Variants in CPEB3 observed in about 807,000 individuals in gnomAD.
CPEB3 encodes cytoplasmic polyadenylation element binding protein 3.
A neutral mutation model predicts 67.2 loss-of-function variants in CPEB3; 20 were observed. The observed-to-expected ratio is 0.30, with a 90% CI of 0.21 to 0.43. The LOEUF is 0.43. Among genes scored for constraint, CPEB3 ranks in the 20% least tolerant of loss-of-function variants. CPEB3 has a pLI of 1.00. For synonymous variants in CPEB3, 376 were observed against 393.1 expected (o/e 0.96, Z 0.51); for missense variants, 746 against 968.6 (o/e 0.77, Z 3.05).
In CPEB3 at chr10:92,125,724, CT is replaced by C. The variant is rs35409082; in HGVS notation, c.1454-14531del. ...ACAGCTACATGCTAAAGGAAACAGACTTTTTTTTTTTTTTAAGACAGGGTCT... is the reference window on the plus strand; with the variant it reads ...ACAGCTACATGCTAAAGGAAACAGACTTTTTTTTTTTTTAAGACAGGGTCT... On this transcript the variant is annotated intron_variant, in intron 6 of 9. Coordinates refer to ENST00000265997, the MANE Select transcript of CPEB3 (RefSeq NM_014912.5). Among the ~76,000 whole-genome samples, 1,408 of 143,180 alleles carry C rather than the reference CT, an allele frequency of 9.8e-3. 5 individuals are homozygous for C. The highest frequency in any genetic ancestry group is 0.021 in the African/African-American group (833 of 39,348). The allele number at this position is 143,180 out of a possible 152,430, so 93.9% of individuals were successfully genotyped here.
In CPEB3 at chr10:92,184,548, T is replaced by C. The variant is rs898934309; in HGVS notation, c.1166-3529A>G. Among the ~76,000 whole-genome samples the C allele has an allele frequency of 2.0e-5, 3 of 152,084 alleles. No individual in the cohort carries two copies. The South Asian group carries it at 6.2e-4, about 32-fold the overall frequency. On this transcript the variant is annotated intron_variant, in intron 3 of 9. Coordinates refer to ENST00000265997, the MANE Select transcript of CPEB3 (RefSeq NM_014912.5). Reference sequence around the variant, plus strand: ...TAAACCTGGGAGGTGGAGGTTGCAGTGAGCCGAGATCGTGTCACAGCACCC... The same window carrying C: ...TAAACCTGGGAGGTGGAGGTTGCAGCGAGCCGAGATCGTGTCACAGCACCC...
At chr10:92,215,151 A>ATT (rs79149383) in intron 2 of CPEB3, among the ~76,000 whole-genome samples, 21 of 123,162 alleles carry the variant, frequency 1.7e-4, no homozygotes, top group East Asian at 2.4e-4. Flanking sequence ...CCAAGCCAAG[A>ATT]TTTTTTTTTT....
At chr10:92,268,955 A>G (rs777757120) in intron 1 of CPEB3, among the ~76,000 whole-genome samples, 4 of 152,194 alleles carry the variant, frequency 2.6e-5, no homozygotes, top group African/African-American at 4.8e-5. Context: ...AGTCAGGATT[A>G]GTCAGAGGGA....
chr10:92,197,111 A>T (rs1307231668), intron 2 of CPEB3, among the ~76,000 whole-genome samples: 1 of 152,212 alleles, frequency 6.6e-6, no homozygotes, highest in African/African-American at 2.4e-5. Flanking sequence ...CAGTTCACAG[A>T]TACTAACCTA....
intron 6 of CPEB3, among the ~76,000 whole-genome samples, chr10:92,132,929 A>C (rs1845912090): frequency 6.6e-6 from 1 of 152,226 alleles, no homozygotes; most frequent in African/African-American, 2.4e-5. Flanking sequence ...TGGGTAAATA[A>C]CGAAATGAAG....
At chr10:92,216,238 T>G in intron 2 of CPEB3, 1 of 1,140,282 alleles carries the variant, frequency 8.8e-7, no homozygotes, top group Non-Finnish European at 1.2e-6. Context: ...GAGATCAAGA[T>G]CATACTGGCC....
intron 1 of CPEB3, among the ~76,000 whole-genome samples, chr10:92,243,649 G>A (rs1851941219): frequency 6.6e-6 from 1 of 152,124 alleles, no homozygotes; most frequent in African/African-American, 2.4e-5. Context: ...AGAGGAATAG[G>A]CAAGGGAGGG....
At chr10:92,106,959 A>C (rs1379761408) in intron 7 of CPEB3, among the ~76,000 whole-genome samples, 3 of 76,114 alleles carry the variant, frequency 3.9e-5, no homozygotes, top group African/African-American at 1.4e-4. Flanking sequence ...GAAAAAAGCA[A>C]AGTTGGAAAA....
chr10:92,180,055 T>C (rs148699052), intron 4 of CPEB3, among the ~76,000 whole-genome samples: 6 of 152,330 alleles, frequency 3.9e-5, no homozygotes, highest in Admixed American at 1.3e-4. Flanking sequence ...CAATGGCTTA[T>C]ACAGGTCCTT....
chr10:92,181,231 A>G (rs1848444008), intron 3 of CPEB3, among the ~76,000 whole-genome samples: 1 of 151,914 alleles, frequency 6.6e-6, no homozygotes. Flanking sequence ...ATAAATAAAA[A>G]AAAACAAAAA....
chr10:92,123,009 C>T (rs1047933113), intron 6 of CPEB3, among the ~76,000 whole-genome samples: 5 of 152,122 alleles, frequency 3.3e-5, no homozygotes, highest in Admixed American at 6.5e-5. Context: ...GTGTTTTCTA[C>T]GACACTACCA....
chr10:92,227,235 CT>C lies in CPEB3; in HGVS notation c.1005+12110del, dbSNP rs1851020751. ...ACCAGTTAGGTAATATTCTCTGAGT[CT>C]CAAATAGGATAATAATCCCTAATTC... On this transcript the variant is annotated intron_variant, in intron 2 of 9. Coordinates refer to ENST00000265997, the MANE Select transcript of CPEB3 (RefSeq NM_014912.5). Among the ~76,000 whole-genome samples the C allele has an allele frequency of 2.0e-5, 3 of 152,250 alleles. No individual in the cohort carries two copies. The East Asian group carries it at 5.8e-4, about 29-fold the overall frequency.
chr10:92,143,399 T>TAA (rs1358294011), intron 5 of CPEB3, among the ~76,000 whole-genome samples: 2 of 152,202 alleles, frequency 1.3e-5, no homozygotes, highest in Admixed American at 1.3e-4. Flanking sequence ...TATCTCATAT[T>TAA]AAACTAAGGT....
At chr10:92,276,195 A>T (rs1250444158) in intron 1 of CPEB3, among the ~76,000 whole-genome samples, 1 of 149,656 alleles carries the variant, frequency 6.7e-6, no homozygotes, top group East Asian at 2.0e-4. Context: ...GACATTCCAC[A>T]TTTTATCCAT....
Position 92,240,380 on chromosome 10 carries a change from G to A in CPEB3, c.-11-19C>T. Reference sequence around the variant, plus strand: ...TGCGCAGCTGAAACGGGAAAAAAGAGAGACGCGTTATTGTCAATGTGATCA... The same window carrying A: ...TGCGCAGCTGAAACGGGAAAAAAGAAAGACGCGTTATTGTCAATGTGATCA... On this transcript the variant is annotated intron_variant, in intron 1 of 9. Transcript: ENST00000265997. The A allele has an allele frequency of 1.4e-6, 2 of 1,438,916 alleles. No homozygotes were observed. Among genetic ancestry groups the A allele is most frequent in the Non-Finnish European group, 1.8e-6 (2 of 1,091,850 alleles). The allele number at this position is 1,438,916 out of a possible 1,614,324, so 89.1% of individuals were successfully genotyped here.
At position 92,052,428 on chromosome 10, in the gene CPEB3, C is replaced by T. The variant is rs777579239; in HGVS notation, c.1881G>A (p.Lys627=). 1.3e-5 allele frequency: 21 copies of T among 1,608,736 alleles called. No individual in the cohort carries two copies. The highest frequency in any genetic ancestry group is 1.6e-5 in the Non-Finnish European group (19 of 1,175,584). The change falls in exon 10 of 10, where the codon AAG becomes AAA. Residue 627 remains lysine (K), a synonymous_variant. Transcript: ENST00000265997. ...HNDIDKRVEV[K]PYVLDDQMCD... ...ACATCTGATCATCCAGCACATATGG[C>T]TTTACTTCAACCTGGACCCAAAGAG...
chr10:92,105,287 T>G (rs1844390500), intron 7 of CPEB3, among the ~76,000 whole-genome samples: 1 of 152,182 alleles, frequency 6.6e-6, no homozygotes, highest in Admixed American at 6.5e-5. Flanking sequence ...AGTAAACACA[T>G]CACAAATGAA....
intron 3 of CPEB3, among the ~76,000 whole-genome samples, chr10:92,185,774 C>G (rs1399489461): frequency 6.6e-6 from 1 of 152,130 alleles, no homozygotes; most frequent in East Asian, 1.9e-4. Flanking sequence ...TTATTTCCCA[C>G]TAACTTTCTC....
chr10:92,243,445 C>G (rs1851933327), intron 1 of CPEB3, among the ~76,000 whole-genome samples: 1 of 152,098 alleles, frequency 6.6e-6, no homozygotes, highest in Admixed American at 6.5e-5. Flanking sequence ...CCTAACCAAT[C>G]TAAATCACGA....
Sources: allele counts gnomAD v4.1 joint callset (sites outside exome capture counted in the v4.1 genomes callset), GRCh38; gene constraint gnomAD v4.1.1; transcripts MANE v1.5; gene names NCBI Gene and HGNC (gene_info 2026-07-23, HGNC 2026-07-21).